The following MROH1 variants were observed in gnomAD, a reference collection of about 807,000 sequenced individuals.
MROH1 encodes the protein maestro heat like repeat family member 1, also known as maestro heat-like repeat-containing protein family member 1.
In MROH1, 117 loss-of-function variants were observed where a neutral mutation model predicts 116.5. The observed-to-expected ratio is 1.00, with a 90% CI of 0.86 to 1.17. The LOEUF is 1.17. Ranked by LOEUF, MROH1 falls within the 50% of genes most tolerant of loss-of-function variation. The pLI, the probability that MROH1 is intolerant of heterozygous loss-of-function variation, is 0.00. For missense variants in MROH1, 1,873 were observed against 1,338.5 expected (o/e 1.40, Z -6.23); for synonymous variants, 921 against 583.9 (o/e 1.58, Z -8.32).
At chr8:144,216,104 G>A (rs113884171) in intron 12 of MROH1, among the ~76,000 whole-genome samples, 2 of 151,822 alleles carry the variant, frequency 1.3e-5, no homozygotes, top group East Asian at 3.9e-4. Context: ...ACTTGAACCT[G>A]GGAGGCGGAG....
At chr8:144,238,891 GGC>G in intron 15 of MROH1, 28 bp downstream of exon 15, 1 of 770,494 alleles carries the variant, frequency 1.3e-6, no homozygotes, top group Non-Finnish European at 2.4e-6. Flanking sequence ...GTCCCTGCCT[GGC>G]GACAACAGAG....
In MROH1 at chr8:144,228,713, C is replaced by T. The variant is rs553495754; in HGVS notation, c.1338+5483C>T. Among the ~76,000 whole-genome samples, 5 of 152,336 alleles carry T rather than the reference C, an allele frequency of 3.3e-5. No individual in the cohort carries two copies. The South Asian group carries it at 8.3e-4, about 25-fold the overall frequency. On this transcript the variant is annotated intron_variant, in intron 14 of 43. Coordinates refer to ENST00000326134, the MANE Select transcript of MROH1 (RefSeq NM_032450.3). ...TCCTGACCTCATGATCCACCCGCCTCGGCCTCCCAAAGTGCTGGGATTACA... is the reference window on the plus strand; with the variant it reads ...TCCTGACCTCATGATCCACCCGCCTTGGCCTCCCAAAGTGCTGGGATTACA...
chr8:144,255,673 A>G lies in MROH1; in HGVS notation c.3759A>G (p.Pro1253=). Reference sequence around the variant, plus strand: ...CCCAGGAAAGGAGGGGTGCCAGTCCAGCCCTAGCCACCAGGAACCTGGAAC... The same window carrying G: ...CCCAGGAAAGGAGGGGTGCCAGTCCGGCCCTAGCCACCAGGAACCTGGAAC... ...LQAQERRGAS[P]ALATRNLEPC... is the part of the protein sequence containing the mutation. Residue 1253 remains proline, a synonymous_variant, in exon 35 of 44, where the codon CCA becomes CCG. Coordinates refer to ENST00000326134, the MANE Select transcript of MROH1 (RefSeq NM_032450.3). The G allele has an allele frequency of 1.4e-5, 11 of 765,486 alleles. 1 individual carries two copies. In the South Asian group the frequency reaches 1.5e-4, roughly 11 times the overall value. 47.4% of individuals were successfully genotyped at this position (765,486 alleles called of 1,614,324 possible).
intron 4 of MROH1, among the ~76,000 whole-genome samples, chr8:144,176,028 G>A (rs1167219571): frequency 1.3e-5 from 2 of 152,030 alleles, no homozygotes; most frequent in Non-Finnish European, 2.9e-5. Flanking sequence ...CAACCTGGGT[G>A]ACAGGGCGAG....
intron 14 of MROH1, 135 bp from the exon 15 acceptor site, chr8:144,238,621 G>A (rs1366399672): frequency 1.5e-6 from 1 of 666,320 alleles, no homozygotes; most frequent in Non-Finnish European, 2.7e-6. Context: ...TGCCTTTCCT[G>A]TCTGTGGCAG....
chr8:144,257,380 C>T (rs1844079347), intron 35 of MROH1, among the ~76,000 whole-genome samples: 1 of 152,160 alleles, frequency 6.6e-6, no homozygotes, highest in Non-Finnish European at 1.5e-5. Flanking sequence ...CCCATGGGGA[C>T]AGTGGTATAC....
chr8:144,177,517 C>T (rs574221431), intron 4 of MROH1, among the ~76,000 whole-genome samples: 3 of 152,226 alleles, frequency 2.0e-5, no homozygotes, highest in African/African-American at 7.2e-5. Context: ...GCCGGTAGCA[C>T]TTCTCCTATG....
intron 3 of MROH1, among the ~76,000 whole-genome samples, chr8:144,166,409 T>A (rs1820839382): frequency 6.6e-6 from 1 of 152,182 alleles, no homozygotes. Context: ...CCTCTGCACC[T>A]GAGCACGCAG....
At position 144,160,020 on chromosome 8, in the gene MROH1, C is replaced by T. The variant is rs376010717; in HGVS notation, c.-176-950C>T. Among the ~76,000 whole-genome samples the T allele has an allele frequency of 1.1e-4, 17 of 152,236 alleles. No homozygotes were observed. The Middle Eastern group carries it at 0.01, about 91-fold the overall frequency. On this transcript the variant is annotated intron_variant, in intron 1 of 43. Transcript: ENST00000326134. ...TCCTGAGCTCATGATCCACCCGCCT[C>T]GGCCTCCCAAAGTGCTGGGATTACA...
rs1564407258 is a variant in MROH1 at position 144,179,546 on chromosome 8, C to T, written c.260C>T (p.Thr87Ile). 1 of 1,613,144 alleles carries T rather than the reference C, an allele frequency of 6.2e-7. No homozygotes were observed. ...ASELDKDTAS[T>I]IILLASSEMT... ...GAGCTGGACAAGGACACAGCCAGCA[C>T]CATCATCCTCCTGGCCTCCAGCGAG... Residue 87 changes from threonine (T) to isoleucine (I), a missense_variant, in exon 5 of 44, where the codon ACC becomes ATC. Thr to Ile is a moderately conservative substitution (Grantham distance 89). Transcript: ENST00000326134.
intron 1 of MROH1, among the ~76,000 whole-genome samples, chr8:144,154,060 TA>T (rs1380661351): frequency 6.9e-6 from 1 of 143,938 alleles, no homozygotes; most frequent in East Asian, 1.9e-4. Flanking sequence ...GCGTCCACCC[TA>T]TTTTTATTTT....
At chr8:144,190,254 G>A (rs772850196) in intron 7 of MROH1, among the ~76,000 whole-genome samples, 7 of 152,126 alleles carry the variant, frequency 4.6e-5, no homozygotes, top group African/African-American at 9.7e-5. Context: ...CTGGCCAGGC[G>A]CGGTGGCTGA....
At chr8:144,253,985 T>TTAC (rs1295158970) in intron 33 of MROH1, among the ~76,000 whole-genome samples, 5 of 152,090 alleles carry the variant, frequency 3.3e-5, no homozygotes, top group Admixed American at 3.3e-4. Flanking sequence ...GCTCCCTGTC[T>TTAC]GTAGGTCAGT....
At chr8:144,210,284 C>T (rs763467151) in intron 12 of MROH1, among the ~76,000 whole-genome samples, 6 of 151,964 alleles carry the variant, frequency 3.9e-5, no homozygotes, top group Non-Finnish European at 5.9e-5. Flanking sequence ...ACTAAAAATA[C>T]AAAAATTAGC....
At chr8:144,173,714 C>T (rs977926435) in intron 4 of MROH1, among the ~76,000 whole-genome samples, 8 of 152,150 alleles carry the variant, frequency 5.3e-5, no homozygotes, top group African/African-American at 9.7e-5. Flanking sequence ...TGAGCCACTC[C>T]GCCCAGCCAT....
At chr8:144,204,064 T>A (rs1174557502) in intron 12 of MROH1, among the ~76,000 whole-genome samples, 1 of 152,240 alleles carries the variant, frequency 6.6e-6, no homozygotes, top group Non-Finnish European at 1.5e-5. Context: ...TTTCACTTGC[T>A]AGTATATCTT....
chr8:144,218,157 T>C (rs1410998665), intron 12 of MROH1, among the ~76,000 whole-genome samples: 1 of 152,182 alleles, frequency 6.6e-6, no homozygotes, highest in East Asian at 1.9e-4. Flanking sequence ...TGGTGTGTGC[T>C]TGGGCTCTTG....
In MROH1 at chr8:144,163,384, C is replaced by T. The variant is rs1225778896; in HGVS notation, c.-56-387C>T. On this transcript the variant is annotated intron_variant, in intron 2 of 43. Transcript: ENST00000326134. This position sits in a 1 kb window ranked among gnomAD's most constrained non-coding sequence, Gnocchi z 4.4. ...TAGGGACCATTGTTGCATGCAGTGG[C>T]GCATGGCATGTGATGTGTGAAAGCT... Among the ~76,000 whole-genome samples, 2 of 152,156 alleles carry T rather than the reference C, an allele frequency of 1.3e-5. No individual in the cohort carries two copies. The highest frequency in any genetic ancestry group is 2.9e-5 in the Non-Finnish European group (2 of 68,036).
intron 14 of MROH1, among the ~76,000 whole-genome samples, chr8:144,224,575 G>A (rs540793322): frequency 6.6e-6 from 1 of 152,314 alleles, no homozygotes; most frequent in South Asian, 2.1e-4. Context: ...ACTCAAATGT[G>A]TTTTAACCAC....
Sources: gnomAD v4.1 joint callset for allele counts (sites outside exome capture counted in the v4.1 genomes callset) on GRCh38, gnomAD v4.1.1 for gene constraint, Gnocchi (gnomAD v3.1) non-coding constraint, MANE v1.5 for transcripts, NCBI Gene and HGNC (gene_info 2026-07-23, HGNC 2026-07-21) for gene names.